Variants in SCN11A observed in about 807,000 individuals in gnomAD.
SCN11A encodes sodium channel protein type 11 subunit alpha.
Under a neutral mutation model 162.2 loss-of-function variants are expected in SCN11A, and 122 were observed. The ratio of observed to expected loss-of-function variants is 0.75; its 90% CI spans 0.65 to 0.87. The LOEUF (loss-of-function observed/expected upper bound fraction) is 0.87, where lower values mean the gene tolerates loss of function less well. SCN11A is among the 40% of genes least tolerant of loss of function. The pLI is 0.00. For missense variants in SCN11A, 2,015 were observed against 2,181.6 expected (o/e 0.92, Z 1.52); for synonymous variants, 758 against 751.5 (o/e 1.01, Z -0.14).
intron 2 of SCN11A, among the ~76,000 whole-genome samples, chr3:39,030,655 C>T (rs994292514): frequency 6.6e-6 from 1 of 152,168 alleles, no homozygotes; most frequent in Non-Finnish European, 1.5e-5. Context: ...TTAAAATTTA[C>T]ATCCAGCGCA....
In SCN11A at chr3:38,847,557, A is replaced by G. The variant is rs1457897301; in HGVS notation, c.4513T>C (p.Phe1505Leu). ...ATGGCATAGATAAACATAATCAGAA[A>G]GAGTAGAAGACCAATGTTGAACAGA... ...PSLFNIGLLL[F>L]LIMFIYAILG... Residue 1505 changes from phenylalanine to leucine, a missense_variant, in exon 30 of 30, where the codon TTT becomes CTT. Physicochemically the swap from Phe to Leu is conservative, Grantham distance 22. Transcript: ENST00000302328. 1.2e-6 allele frequency: 2 copies of G among 1,614,198 alleles called. No homozygotes were observed. Among genetic ancestry groups the G allele is most frequent in the Non-Finnish European group, 1.7e-6 (2 of 1,180,022 alleles).
chr3:38,858,899 T>G (rs569533772), intron 28 of SCN11A, among the ~76,000 whole-genome samples: 1 of 152,140 alleles, frequency 6.6e-6, no homozygotes, highest in East Asian at 1.9e-4. Flanking sequence ...ACATGGAAAT[T>G]AAATAATCTC....
At chr3:39,032,634 A>G (rs1331607136) in intron 1 of SCN11A, among the ~76,000 whole-genome samples, 131 bp from the exon 2 acceptor site, 1 of 152,234 alleles carries the variant, frequency 6.6e-6, no homozygotes, top group Admixed American at 6.5e-5. Context: ...TTAAAAAGTG[A>G]TAGAGCCTGT....
chr3:39,038,198 C>A (rs2031956377), intron 1 of SCN11A, among the ~76,000 whole-genome samples: 1 of 152,180 alleles, frequency 6.6e-6, no homozygotes, highest in Non-Finnish European at 1.5e-5. Context: ...TATTGTTTCA[C>A]ACAGTTTCTG....
chr3:38,934,180 A>AT (rs1436449485), intron 7 of SCN11A, among the ~76,000 whole-genome samples: 3 of 152,242 alleles, frequency 2.0e-5, no homozygotes, highest in African/African-American at 7.2e-5. Context: ...ATGCTGAGAG[A>AT]TTTTGTCGCC....
chr3:38,854,158 C>T (rs1202861616), intron 28 of SCN11A, among the ~76,000 whole-genome samples: 1 of 151,824 alleles, frequency 6.6e-6, no homozygotes, highest in Non-Finnish European at 1.5e-5. Flanking sequence ...ATCCAAATTT[C>T]CATGTCCCTA....
In SCN11A at chr3:38,871,470, T is replaced by C. The variant is rs745494487; in HGVS notation, c.3734A>G (p.Asn1245Ser). The stretch of plus-strand genomic sequence containing the variant: ...CACTTGCAGCAGAGCGAGGTAAGCA[T>C]TTCCCACATTGTCAAAGTTGACTTT... The part of the protein sequence containing the change: ...NQKVNFDNVG[N>S]AYLALLQVAT... Residue 1245 changes from asparagine (N) to serine (S), a missense_variant, in exon 25 of 30, where the codon AAT (asparagine) becomes AGT (serine). By Grantham distance (46) the Asn-to-Ser change is conservative. Coordinates refer to ENST00000302328, the MANE Select transcript of SCN11A (RefSeq NM_001349253.2). The C allele has an allele frequency of 3.1e-6, 5 of 1,611,568 alleles. No individual in the cohort carries two copies. The South Asian group carries it at 5.5e-5, about 18-fold the overall frequency.
intron 2 of SCN11A, among the ~76,000 whole-genome samples, chr3:39,028,813 A>G (rs2031668357): frequency 6.6e-6 from 1 of 152,220 alleles, no homozygotes; most frequent in Admixed American, 6.5e-5. Flanking sequence ...AGAACTCCCC[A>G]TCGAGAACTA....
At chr3:38,920,934 C>G in intron 10 of SCN11A, 142 bp downstream of exon 10, 1 of 759,552 alleles carries the variant, frequency 1.3e-6, no homozygotes, top group Non-Finnish European at 2.2e-6. Context: ...AATGCATCTG[C>G]CCACAGGAGC....
Position 38,848,736 on chromosome 3 carries a change from C to T in SCN11A, c.4328-994G>A, listed in dbSNP as rs144023808. Reference sequence around the variant, plus strand: ...ATCTGTTCTTTCTCTGAGCTCATTTCTGCTTTGCACCATGTGATTTGGTGT... The same window carrying T: ...ATCTGTTCTTTCTCTGAGCTCATTTTTGCTTTGCACCATGTGATTTGGTGT... On this transcript the variant is annotated intron_variant, in intron 29 of 29. Coordinates refer to ENST00000302328, the MANE Select transcript of SCN11A (RefSeq NM_001349253.2). 5.3e-3 allele frequency among the ~76,000 whole-genome samples: 802 copies of T among 152,294 alleles called. 4 individuals carry two copies. Among genetic ancestry groups the T allele is most frequent in the Middle Eastern group, 0.01 (3 of 294 alleles).
chr3:38,880,011 G>A lies in SCN11A; in HGVS notation c.3332C>T (p.Ala1111Val), dbSNP rs781584280. The change falls in exon 23 of 30, where the codon GCC (alanine) becomes GTC (valine). Residue 1111 changes from alanine (A) to valine (V), a missense_variant. Physicochemically the swap from Ala to Val is moderately conservative, Grantham distance 64. Coordinates refer to ENST00000302328, the MANE Select transcript of SCN11A (RefSeq NM_001349253.2). ...FILEMVLKWV[A>V]FGFGKYFTSA... ...GGTGAAATACTTTCCAAATCCGAAG[G>A]CTACCCATTTTAGTACCATCTCCAG... The A allele has an allele frequency of 6.2e-7, 1 of 1,612,620 alleles. No individual in the cohort carries two copies. Among genetic ancestry groups the A allele is most frequent in the Non-Finnish European group, 8.5e-7 (1 of 1,179,050 alleles).
Position 38,929,130 on chromosome 3 carries a change from T to TGCGTGCGC in SCN11A, c.489-2200_489-2199insGCGCACGC, listed in dbSNP as rs1442107589. The stretch of plus-strand genomic sequence containing the variant: ...CACACTGTCAAAAATACTGGGTCTG[T>TGCGTGCGC]GCACGCACACACACACACACACACA... On this transcript the variant is annotated intron_variant, in intron 7 of 29. Coordinates refer to ENST00000302328, the MANE Select transcript of SCN11A (RefSeq NM_001349253.2). 1.1e-3 allele frequency among the ~76,000 whole-genome samples: 162 copies of TGCGTGCGC among 145,236 alleles called. 1 individual carries two copies. The highest frequency in any genetic ancestry group is 3.9e-3 in the African/African-American group (151 of 38,460).
intron 2 of SCN11A, among the ~76,000 whole-genome samples, chr3:39,014,648 CTTAT>C (rs998569047): frequency 6.6e-6 from 1 of 152,128 alleles, no homozygotes; most frequent in African/African-American, 2.4e-5. Flanking sequence ...CCTTGCTGTA[CTTAT>C]TTATGGTAAA....
chr3:39,040,442 G>A (rs984476514), intron 1 of SCN11A, among the ~76,000 whole-genome samples: 6 of 152,128 alleles, frequency 3.9e-5, no homozygotes, highest in African/African-American at 1.4e-4. Context: ...CAGATGCACA[G>A]AAATCAACAT....
intron 3 of SCN11A, among the ~76,000 whole-genome samples, chr3:38,959,487 C>G (rs79541587): frequency 6.6e-6 from 1 of 152,140 alleles, no homozygotes; most frequent in Non-Finnish European, 1.5e-5. Flanking sequence ...GGCTGGTATG[C>G]GTCTATGGCA....
At chr3:38,853,092 C>T (rs11922022) in intron 28 of SCN11A, among the ~76,000 whole-genome samples, 6,519 of 152,320 alleles carry the variant, frequency 0.043, 187 homozygotes, top group Non-Finnish European at 0.065. Flanking sequence ...TCTGCACCCA[C>T]TTTCAGTTCA....
intron 2 of SCN11A, among the ~76,000 whole-genome samples, chr3:39,030,090 A>G (rs2031709114): frequency 6.6e-6 from 1 of 152,148 alleles, no homozygotes; most frequent in Non-Finnish European, 1.5e-5. Flanking sequence ...CTGCTTAAAG[A>G]TCATCTCTAG....
At chr3:39,019,105 G>A (rs1466848914) in intron 2 of SCN11A, among the ~76,000 whole-genome samples, 1 of 152,188 alleles carries the variant, frequency 6.6e-6, no homozygotes, top group African/African-American at 2.4e-5. Flanking sequence ...CTGCTAAGGT[G>A]TAGACATAAA....
chr3:38,852,030 G>GC (rs1297315327), intron 28 of SCN11A, among the ~76,000 whole-genome samples: 1 of 152,124 alleles, frequency 6.6e-6, no homozygotes, highest in Non-Finnish European at 1.5e-5. Context: ...GAGTTGAGGT[G>GC]CCAGTGGGGG....
Sources: gnomAD v4.1 joint callset for allele counts (sites outside exome capture counted in the v4.1 genomes callset) on GRCh38, gnomAD v4.1.1 for gene constraint, MANE v1.5 for transcripts, NCBI Gene and HGNC (gene_info 2026-07-23, HGNC 2026-07-21) for gene names.